Variants in MYO18A observed in about 807,000 individuals in gnomAD.
MYO18A encodes unconventional myosin-XVIIIa.
A neutral mutation model predicts 235.8 loss-of-function variants in MYO18A; 78 were observed. The ratio of observed to expected loss-of-function variants is 0.33; its 90% CI spans 0.28 to 0.40. The LOEUF (loss-of-function observed/expected upper bound fraction) is 0.40, where lower values mean the gene tolerates loss of function less well. Ranked by LOEUF, MYO18A falls within the 10% of genes least tolerant of loss-of-function variation. MYO18A has a pLI of 1.00. For synonymous variants in MYO18A, 977 were observed against 1,077.8 expected, an observed-to-expected ratio of 0.91 and a Z score of 1.83; for missense variants, 2,215 against 2,699.3, an observed-to-expected ratio of 0.82 and a Z score of 3.98.
intron 1 of MYO18A, among the ~76,000 whole-genome samples, chr17:29,175,425 G>A (rs920877159): frequency 3.4e-5 from 5 of 147,068 alleles, no homozygotes; most frequent in African/African-American, 1.3e-4. Flanking sequence ...AGTGTGGTGC[G>A]ATCTCGGCTC....
At position 29,096,901 on chromosome 17, in the gene MYO18A, C is replaced by T. The variant is rs1435551676; in HGVS notation, c.4245G>A (p.Gln1415=). ...CCCGCTGACTCTCCTCACTATCTGCCTGCAGGTCCCCGAGCTAGGGGCCAA... is the reference window on the plus strand; with the variant it reads ...CCCGCTGACTCTCCTCACTATCTGCTTGCAGGTCCCCGAGCTAGGGGCCAA... ...RQLERRLGDL[Q]ADSEESQRAL... Residue 1415 remains glutamine (Q), a synonymous_variant, in exon 28 of 42, where the codon CAG becomes CAA. Transcript: ENST00000527372. 1 of 1,572,164 alleles carries T rather than the reference C, an allele frequency of 6.4e-7. No individual in the cohort carries two copies. Among genetic ancestry groups the T allele is most frequent in the South Asian group, 1.2e-5 (1 of 85,354 alleles).
chr17:29,080,066 G>A (rs745876264), intron 41 of MYO18A: 54 of 985,816 alleles, frequency 5.5e-5, no homozygotes, highest in Non-Finnish European at 6.5e-5. Context: ...CTCCTTCGCC[G>A]GCTCCGGCTC....
chr17:29,124,851 C>T (rs2067284029), intron 2 of MYO18A, among the ~76,000 whole-genome samples: 1 of 152,142 alleles, frequency 6.6e-6, no homozygotes, highest in African/African-American at 2.4e-5. Context: ...GACCTGGGAC[C>T]TGGCCTGAGC....
At chr17:29,175,364 C>CTTT (rs34825590) in intron 1 of MYO18A, among the ~76,000 whole-genome samples, 4 of 133,008 alleles carry the variant, frequency 3.0e-5, no homozygotes, top group Admixed American at 7.6e-5. Flanking sequence ...TTTATTTCAT[C>CTTT]TTTTTTTTTT....
intron 21 of MYO18A, among the ~76,000 whole-genome samples, chr17:29,102,055 A>G (rs1598303361): frequency 6.6e-6 from 1 of 152,262 alleles, no homozygotes; most frequent in East Asian, 1.9e-4. Flanking sequence ...TGTTAACCAG[A>G]GCCTAGACGA....
At chr17:29,114,533 G>A (rs1251554672) in intron 14 of MYO18A, among the ~76,000 whole-genome samples, 1 of 152,202 alleles carries the variant, frequency 6.6e-6, no homozygotes, top group Non-Finnish European at 1.5e-5. Context: ...TTTTACAGAA[G>A]GCACTAAATC....
At chr17:29,081,570 A>C (rs1008299641) in intron 41 of MYO18A, among the ~76,000 whole-genome samples, 2 of 135,308 alleles carry the variant, frequency 1.5e-5, no homozygotes, top group African/African-American at 5.6e-5. Flanking sequence ...GTCCTGGAGG[A>C]TCAGGATGGG....
chr17:29,154,191 T>C (rs1461262694), intron 2 of MYO18A, among the ~76,000 whole-genome samples: 3 of 152,026 alleles, frequency 2.0e-5, no homozygotes, highest in Non-Finnish European at 4.4e-5. Flanking sequence ...AGAACCCAGT[T>C]CTGTGGTTCT....
intron 2 of MYO18A, among the ~76,000 whole-genome samples, chr17:29,161,033 C>T (rs1303873805): frequency 6.6e-6 from 1 of 151,968 alleles, no homozygotes; most frequent in Non-Finnish European, 1.5e-5. Context: ...GCCTGGGCAA[C>T]ATGGTGAAAC....
intron 2 of MYO18A, among the ~76,000 whole-genome samples, chr17:29,161,023 GC>G (rs1177049871): frequency 6.6e-6 from 1 of 152,136 alleles, no homozygotes; most frequent in African/African-American, 2.4e-5. Context: ...TTTGAGACCA[GC>G]CTGGGCAACA....
At chr17:29,116,814 G>A (rs572234390) in intron 10 of MYO18A, among the ~76,000 whole-genome samples, 43 of 144,778 alleles carry the variant, frequency 3.0e-4, no homozygotes, top group Non-Finnish European at 4.9e-4. Flanking sequence ...GCTGACACCC[G>A]GAGCTTTCCG....
chr17:29,114,514 G>A (rs2067009605), intron 14 of MYO18A, among the ~76,000 whole-genome samples: 1 of 152,128 alleles, frequency 6.6e-6, no homozygotes, highest in African/African-American at 2.4e-5. Flanking sequence ...CGTCCCATCC[G>A]GGACACCCTT....
In MYO18A at chr17:29,120,603, G is replaced by A; in HGVS notation, c.1728+13C>T. Reference sequence around the variant, plus strand: ...TGTGTCCTACTACCCCGAGTCCTGGGCAGCACTCTCACCTGAATGGAGGCT... The same window carrying A: ...TGTGTCCTACTACCCCGAGTCCTGGACAGCACTCTCACCTGAATGGAGGCT... On this transcript the variant is annotated intron_variant, in intron 7 of 41. Coordinates refer to ENST00000527372, the MANE Select transcript of MYO18A (RefSeq NM_078471.4). This position sits in a 1 kb window ranked among gnomAD's most constrained non-coding sequence, Gnocchi z 4.2. 1 of 1,611,938 alleles carries A rather than the reference G, an allele frequency of 6.2e-7. No homozygotes were observed. Among genetic ancestry groups the A allele is most frequent in the Non-Finnish European group, 8.5e-7 (1 of 1,178,818 alleles).
At chr17:29,130,884 C>T (rs2067456127) in intron 2 of MYO18A, among the ~76,000 whole-genome samples, 1 of 152,166 alleles carries the variant, frequency 6.6e-6, no homozygotes, top group African/African-American at 2.4e-5. Flanking sequence ...CTGCACCAAG[C>T]AGCTGACAGG....
At position 29,103,690 on chromosome 17, in the gene MYO18A, A is replaced by G. The variant is rs778681779; in HGVS notation, c.3442-26T>C. 1.9e-6 allele frequency: 3 copies of G among 1,612,420 alleles called. No individual in the cohort carries two copies. The East Asian group carries it at 6.7e-5, about 36-fold the overall frequency. ...CTGTGGAGAGAGGCCTCTGTCAGGC[A>G]GCCCGCCTGGGCCTCCCCTCACCAT... On this transcript the variant is annotated intron_variant, in intron 20 of 41. Coordinates refer to ENST00000527372, the MANE Select transcript of MYO18A (RefSeq NM_078471.4).
intron 12 of MYO18A, 97 bp from the exon 13 acceptor site, chr17:29,115,538 G>A: frequency 6.7e-7 from 1 of 1,488,434 alleles, no homozygotes; most frequent in Non-Finnish European, 9.0e-7. Flanking sequence ...CACGGGGCCT[G>A]GGGCAGGGCC....
At chr17:29,082,517 G>T (rs927860905) in intron 40 of MYO18A, 79 bp from the exon 41 acceptor site, 77 of 1,489,718 alleles carry the variant, frequency 5.2e-5, no homozygotes, top group Non-Finnish European at 6.5e-5. Context: ...GGGTGCAGGG[G>T]GTGTCTTGGG....
At chr17:29,146,118 C>G (rs568300552) in intron 2 of MYO18A, among the ~76,000 whole-genome samples, 1 of 151,930 alleles carries the variant, frequency 6.6e-6, no homozygotes, top group Non-Finnish European at 1.5e-5. Context: ...ATTAGCCAGG[C>G]GTGGTGGCAT....
Position 29,074,412 on chromosome 17 carries a change from G to C in MYO18A, c.*358C>G. On this transcript the variant is annotated 3_prime_UTR_variant, in exon 42 of 42. Transcript: ENST00000527372. The surrounding 1 kb of genome is among the most constrained non-coding windows in gnomAD (Gnocchi z 4.4). ...CCCAGCAACCTAGAGTGTCCCAGTA[G>C]GCAACCTGTCCACCGTCCCTGAGCA... The C allele has an allele frequency of 1.6e-6, 1 of 606,204 alleles. No homozygotes were observed. Among genetic ancestry groups the C allele is most frequent in the East Asian group, 2.8e-5 (1 of 35,144 alleles). The allele number at this position is 606,204 out of a possible 1,614,324, so 37.6% of individuals were successfully genotyped here. A position where few individuals can be genotyped will look rare whatever the true frequency, so the allele number is the denominator to read the frequency against.
Sources: allele counts gnomAD v4.1 joint callset (sites outside exome capture counted in the v4.1 genomes callset), GRCh38; gene constraint gnomAD v4.1.1; non-coding constraint Gnocchi (gnomAD v3.1); transcripts MANE v1.5; gene names NCBI Gene and HGNC (gene_info 2026-07-23, HGNC 2026-07-21).